The following ZFHX3 variants were observed in gnomAD, a reference collection of about 807,000 sequenced individuals.
ZFHX3 encodes zinc finger homeobox 3, also known as zinc finger homeobox protein 3.
A neutral mutation model predicts 279.1 loss-of-function variants in ZFHX3; 42 were observed. The ratio of observed to expected loss-of-function variants is 0.15; its 90% CI spans 0.12 to 0.19. The LOEUF (loss-of-function observed/expected upper bound fraction) is 0.19. ZFHX3 is among the 10% of genes least tolerant of loss of function. ZFHX3 has a pLI of 1.00. For missense variants in ZFHX3, 4,981 were observed against 4,754.0 expected, an observed-to-expected ratio of 1.05 and a Z score of -1.40; for synonymous variants, 2,293 against 1,957.8, an observed-to-expected ratio of 1.17 and a Z score of -4.52.
At chr16:73,403,461 C>T (rs1241109716) in intron 3 of ZFHX3, among the ~76,000 whole-genome samples, 1 of 152,160 alleles carries the variant, frequency 6.6e-6, no homozygotes. Flanking sequence ...GGAGCGTCTG[C>T]GGGCCGGGTC....
intron 1 of ZFHX3, among the ~76,000 whole-genome samples, chr16:73,854,727 C>CAAA (rs60003447): frequency 3.3e-3 from 195 of 59,408 alleles, no homozygotes; most frequent in African/African-American, 7.9e-3. Context: ...CCACCTTCCA[C>CAAA]AAAAAAAAAA....
At chr16:73,465,777 T>C (rs1170690104) in intron 2 of ZFHX3, among the ~76,000 whole-genome samples, 1 of 152,220 alleles carries the variant, frequency 6.6e-6, no homozygotes, top group Non-Finnish European at 1.5e-5. Flanking sequence ...GCTCCGCTTC[T>C]AACTCAAAAT....
intron 2 of ZFHX3, among the ~76,000 whole-genome samples, chr16:73,480,219 C>G (rs529014984): frequency 2.5e-4 from 38 of 151,946 alleles, no homozygotes; most frequent in African/African-American, 8.5e-4. Flanking sequence ...TTTCAAACAC[C>G]CTTTTCTTTG....
Position 72,795,504 on chromosome 16 carries a change from G to T in ZFHX3, c.7178C>A (p.Ala2393Asp). The change falls in exon 9 of 10, where the codon GCC becomes GAC. Residue 2393 changes from alanine to aspartate, a missense_variant. This residue lies in a region of ZFHX3 where 744 missense variants were observed against 701.3 expected (regional missense o/e 1.06). Coordinates refer to ENST00000268489, the MANE Select transcript of ZFHX3 (RefSeq NM_006885.4). Reference protein sequence around the residue: ...STPMPSQAYSAPAPSANNTAS... With the variant: ...STPMPSQAYSDPAPSANNTAS... ...TGTATTATTGGCTGATGGTGCTGGG[G>T]CGCTGTAAGCCTGTGAGGGCATCGG... 2 of 1,614,158 alleles carry T rather than the reference G, an allele frequency of 1.2e-6. No individual in the cohort carries two copies. Among genetic ancestry groups the T allele is most frequent in the Non-Finnish European group, 8.5e-7 (1 of 1,180,028 alleles).
chr16:73,782,287 C>G lies in ZFHX3; in HGVS notation c.-1607-102047G>C, dbSNP rs79321873. Among the ~76,000 whole-genome samples the G allele has an allele frequency of 2.0e-5, 3 of 152,212 alleles. No homozygotes were observed. The East Asian group carries it at 5.8e-4, about 29-fold the overall frequency. On this transcript the variant is annotated intron_variant, in intron 1 of 17. Coordinates refer to the ZFHX3 transcript ENST00000641206. The stretch of plus-strand genomic sequence containing the variant: ...TGCTGATACATTAGGTAGTGACCTA[C>G]AAGGCAGAGACCTCTAACTTGTTTT...
At chr16:73,182,862 A>G (rs1967827393) in intron 5 of ZFHX3, among the ~76,000 whole-genome samples, 1 of 141,688 alleles carries the variant, frequency 7.1e-6, no homozygotes, top group African/African-American at 2.6e-5. Flanking sequence ...ACAGATTACA[A>G]TCACAGACAC....
intron 4 of ZFHX3, among the ~76,000 whole-genome samples, chr16:73,265,955 C>T (rs1368175201): frequency 2.6e-5 from 4 of 152,190 alleles, no homozygotes; most frequent in Non-Finnish European, 1.5e-5. Context: ...TTTCATCTTC[C>T]AGCAGGAATT....
chr16:73,283,351 G>C (rs1597261034), intron 4 of ZFHX3, among the ~76,000 whole-genome samples: 1 of 152,202 alleles, frequency 6.6e-6, no homozygotes, highest in Admixed American at 6.5e-5. Flanking sequence ...AGGGACACGT[G>C]TTGAGCCCTT....
intron 7 of ZFHX3, among the ~76,000 whole-genome samples, chr16:73,127,810 T>A (rs1748022791): frequency 6.6e-6 from 1 of 152,228 alleles, no homozygotes; most frequent in Non-Finnish European, 1.5e-5. Flanking sequence ...AGAGACTGGC[T>A]GATGACTTAT....
intron 3 of ZFHX3, among the ~76,000 whole-genome samples, chr16:73,363,487 A>G (rs554014093): frequency 6.6e-6 from 1 of 152,140 alleles, no homozygotes; most frequent in South Asian, 2.1e-4. Flanking sequence ...CTGAATATGC[A>G]CTCAACGTAG....
intron 2 of ZFHX3, among the ~76,000 whole-genome samples, chr16:73,635,532 G>C (rs1439410052): frequency 6.6e-6 from 1 of 152,158 alleles, no homozygotes; most frequent in Non-Finnish European, 1.5e-5. Flanking sequence ...TGGTGGGTTG[G>C]AAGTGAAAGA....
intron 3 of ZFHX3, among the ~76,000 whole-genome samples, chr16:73,352,886 C>A (rs1315200096): frequency 1.3e-5 from 2 of 152,288 alleles, no homozygotes; most frequent in East Asian, 3.9e-4. Context: ...GCCGTGCTAT[C>A]CAGCCTGGCC....
At chr16:72,907,548 TGTGTGTGTGTGTGTG>T (rs1567576855) in intron 3 of ZFHX3, among the ~76,000 whole-genome samples, 5 of 17,664 alleles carry the variant, frequency 2.8e-4, no homozygotes, top group Non-Finnish European at 6.9e-4. Context: ...CCTCTATTTG[TGTGTGTGTGTGTGTG>T]TGTGTGTGTG....
chr16:73,413,095 C>G (rs2017502246), intron 3 of ZFHX3, among the ~76,000 whole-genome samples: 1 of 152,316 alleles, frequency 6.6e-6, no homozygotes, highest in South Asian at 2.1e-4. Flanking sequence ...AGATGGATTA[C>G]TGGCGATTAT....
intron 2 of ZFHX3, among the ~76,000 whole-genome samples, chr16:73,595,775 G>A (rs1188835266): frequency 3.3e-5 from 5 of 151,968 alleles, no homozygotes; most frequent in East Asian, 1.9e-4. Context: ...TCACTACTCC[G>A]AACTGGTCTC....
intron 2 of ZFHX3, among the ~76,000 whole-genome samples, chr16:73,485,248 G>A (rs1422988074): frequency 2.6e-5 from 4 of 152,080 alleles, no homozygotes; most frequent in African/African-American, 9.7e-5. Flanking sequence ...GGAGTGAGGA[G>A]GAAAATAGCC....
chr16:73,647,124 T>C (rs1297238728), intron 2 of ZFHX3, among the ~76,000 whole-genome samples: 1 of 151,584 alleles, frequency 6.6e-6, no homozygotes, highest in Admixed American at 6.6e-5. Flanking sequence ...GCCATTCTCC[T>C]GCCTCAGCCT....
At chr16:73,697,472 G>A (rs2053208363) in intron 1 of ZFHX3, among the ~76,000 whole-genome samples, 1 of 151,976 alleles carries the variant, frequency 6.6e-6, no homozygotes, top group African/African-American at 2.4e-5. Context: ...CATTTTTACT[G>A]GATAAATCAC....
At chr16:73,319,971 T>C (rs996698872) in intron 3 of ZFHX3, among the ~76,000 whole-genome samples, 6 of 152,122 alleles carry the variant, frequency 3.9e-5, no homozygotes, top group Non-Finnish European at 8.8e-5. Context: ...GTGAACTCGG[T>C]TGCATTAAGG....
Sources: gnomAD v4.1 joint callset for allele counts (sites outside exome capture counted in the v4.1 genomes callset) on GRCh38, gnomAD v4.1.1 for gene constraint, gnomAD v4.1.1 regional missense constraint, MANE v1.5 for transcripts, NCBI Gene and HGNC (gene_info 2026-07-23, HGNC 2026-07-21) for gene names.